SVEP1: variants seen among roughly 807,000 people sequenced by gnomAD.
SVEP1 encodes the protein sushi, von Willebrand factor type A, EGF and pentraxin domain-containing protein 1.
A neutral mutation model predicts 367.3 loss-of-function variants in SVEP1; 164 were observed. That is an observed-to-expected ratio of 0.45 (90% confidence interval 0.39 to 0.51). The LOEUF (loss-of-function observed/expected upper bound fraction) is 0.51. Ranked by LOEUF, SVEP1 falls within the 20% of genes least tolerant of loss-of-function variation. SVEP1 has a pLI of 0.00. For missense variants in SVEP1, 4,117 were observed against 4,425.3 expected, an observed-to-expected ratio of 0.93 and a Z score of 1.98; for synonymous variants, 1,666 against 1,611.6, an observed-to-expected ratio of 1.03 and a Z score of -0.81.
intron 14 of SVEP1, among the ~76,000 whole-genome samples, chr9:110,475,610 A>G (rs1829088400): frequency 6.6e-6 from 1 of 150,918 alleles, no homozygotes; most frequent in Non-Finnish European, 1.5e-5. Context: ...ATCATGGCTC[A>G]CTGCAGCCTC....
chr9:110,500,257 C>T (rs1829512518), intron 6 of SVEP1, among the ~76,000 whole-genome samples: 1 of 152,132 alleles, frequency 6.6e-6, no homozygotes, highest in South Asian at 2.1e-4. Context: ...TCCTAGTCTA[C>T]TTTGATCAAC....
chr9:110,481,005 G>T (rs1464879345), intron 12 of SVEP1, among the ~76,000 whole-genome samples: 1 of 152,004 alleles, frequency 6.6e-6, no homozygotes, highest in East Asian at 1.9e-4. Context: ...TAATGAGAGG[G>T]CTCAGATGGT....
chr9:110,505,670 T>A (rs1829614559), intron 5 of SVEP1, among the ~76,000 whole-genome samples: 1 of 152,116 alleles, frequency 6.6e-6, no homozygotes, highest in Non-Finnish European at 1.5e-5. Context: ...TAACCTTTTT[T>A]AAATTCTCTC....
intron 3 of SVEP1, among the ~76,000 whole-genome samples, chr9:110,514,513 C>CAA (rs71978747): frequency 6.4e-5 from 7 of 109,430 alleles, no homozygotes; most frequent in East Asian, 2.7e-4. Context: ...AACTCCATCT[C>CAA]AAAAAAAAAA....
At chr9:110,390,206 T>TACAA (rs1827619829) in intron 40 of SVEP1, among the ~76,000 whole-genome samples, 1 of 108,108 alleles carries the variant, frequency 9.3e-6, no homozygotes, top group Non-Finnish European at 1.9e-5. Context: ...TAAGTATGTA[T>TACAA]GTATATACTT....
intron 1 of SVEP1, among the ~76,000 whole-genome samples, chr9:110,574,785 A>G (rs1302368969): frequency 5.9e-5 from 7 of 118,534 alleles, no homozygotes; most frequent in East Asian, 2.6e-4. Context: ...TCACTCTGTC[A>G]CCCAGGCTGG....
intron 3 of SVEP1, among the ~76,000 whole-genome samples, chr9:110,533,204 C>T (rs190152112): frequency 2.0e-5 from 3 of 152,256 alleles, no homozygotes; most frequent in East Asian, 1.9e-4. Context: ...CGGTCCATGG[C>T]CCAGAGGTTG....
At chr9:110,368,146 G>C (rs1588014880) in intron 47 of SVEP1, among the ~76,000 whole-genome samples, 1 of 115,320 alleles carries the variant, frequency 8.7e-6, no homozygotes, top group African/African-American at 3.2e-5. Context: ...TCTGTAGCTA[G>C]ACAGGATGGA....
chr9:110,448,002 A>G (rs1485555290), intron 24 of SVEP1, among the ~76,000 whole-genome samples: 2 of 152,224 alleles, frequency 1.3e-5, no homozygotes, highest in Non-Finnish European at 2.9e-5. Flanking sequence ...ATGTTATGAT[A>G]CCACTTATGT....
chr9:110,463,742 C>A (rs1828896168), intron 18 of SVEP1, among the ~76,000 whole-genome samples: 1 of 151,596 alleles, frequency 6.6e-6, no homozygotes, highest in Non-Finnish European at 1.5e-5. Context: ...CAAAAGCAAG[C>A]AAGCAAGAGA....
chr9:110,379,264 A>G, intron 44 of SVEP1, 83 bp downstream of exon 44: 1 of 1,436,410 alleles, frequency 7.0e-7, no homozygotes, highest in South Asian at 1.4e-5. Context: ...AGTAGTATGC[A>G]TATTAATTGC....
chr9:110,451,451 T>C, intron 22 of SVEP1, 49 bp from the exon 23 acceptor site: 1 of 1,380,454 alleles, frequency 7.2e-7, no homozygotes, highest in South Asian at 1.2e-5. Context: ...GACAGAACTT[T>C]AAGACCAATA....
chr9:110,518,028 T>A (rs185148654), intron 3 of SVEP1, among the ~76,000 whole-genome samples: 242 of 152,294 alleles, frequency 1.6e-3, no homozygotes, highest in Non-Finnish European at 2.6e-3. Context: ...AGGTATGTAT[T>A]CATGAGAGAA....
rs569748613 is a variant in SVEP1, at chr9:110,570,588, C to T, written c.531+8425G>A. Among the ~76,000 whole-genome samples, 4 of 151,962 alleles carry T rather than the reference C, an allele frequency of 2.6e-5. No homozygotes were observed. In the South Asian group the frequency reaches 8.3e-4, roughly 32 times the overall value. The stretch of plus-strand genomic sequence containing the variant: ...CTCTGCCTCCTGGATTCAAGCAATT[C>T]TCCTGCCTCCGTCTCCCAAGTAGCT... On this transcript the variant is annotated intron_variant, in intron 1 of 47. Coordinates refer to ENST00000374469, the MANE Select transcript of SVEP1 (RefSeq NM_153366.4).
intron 1 of SVEP1, among the ~76,000 whole-genome samples, chr9:110,573,312 A>C (rs1830587700): frequency 6.6e-6 from 1 of 152,196 alleles, no homozygotes; most frequent in African/African-American, 2.4e-5. Context: ...ACAGATCTTC[A>C]GGGTTTGTTA....
chr9:110,383,517 GACCCCTGTTGTGGGGGGGTCTCATCC>G, intron 43 of SVEP1, among the ~76,000 whole-genome samples: 1 of 61,578 alleles, frequency 1.6e-5, no homozygotes, highest in Non-Finnish European at 3.7e-5. Context: ...GGTGTCTGGT[GACCCCTGTTGTGGGGGGGTCTCATCC>G]GTGACCCCTG....
intron 46 of SVEP1, 128 bp downstream of exon 46, chr9:110,375,240 G>T (rs1827332014): frequency 2.5e-6 from 2 of 800,028 alleles, no homozygotes; most frequent in South Asian, 2.1e-5. Context: ...TCATCTTGAG[G>T]AATTTTTGAG....
In SVEP1 at chr9:110,512,934, T is replaced by C. The variant is rs1295948235; in HGVS notation, c.1295A>G (p.Tyr432Cys). ...PNGLWSGSES[Y>C]CRVRTCPHLR... is the part of the protein sequence containing the mutation. Reference sequence around the variant, plus strand: ...ATTGGCAGTTTGCATACCTCTGCAGTAGCTCTCTGAACCGGACCACAAACC... The same window carrying C: ...ATTGGCAGTTTGCATACCTCTGCAGCAGCTCTCTGAACCGGACCACAAACC... The change falls in exon 5 of 48, where the codon TAC (tyrosine) becomes TGC (cysteine). Residue 432 changes from tyrosine to cysteine, a missense_variant. Coordinates refer to ENST00000374469, the MANE Select transcript of SVEP1 (RefSeq NM_153366.4). The C allele has an allele frequency of 1.2e-6, 2 of 1,613,986 alleles. No individual in the cohort carries two copies. Among genetic ancestry groups the C allele is most frequent in the Non-Finnish European group, 1.7e-6 (2 of 1,179,882 alleles).
chr9:110,570,064 C>G (rs1427556020), intron 1 of SVEP1, among the ~76,000 whole-genome samples: 1 of 152,208 alleles, frequency 6.6e-6, no homozygotes, highest in African/African-American at 2.4e-5. Context: ...AACAACAACT[C>G]TCACAGAGTT....
Sources: allele counts gnomAD v4.1 joint callset (sites outside exome capture counted in the v4.1 genomes callset), GRCh38; gene constraint gnomAD v4.1.1; transcripts MANE v1.5; gene names NCBI Gene and HGNC (gene_info 2026-07-23, HGNC 2026-07-21).